Variants in DTNA observed in about 807,000 individuals in gnomAD.
DTNA encodes dystrophin-related protein 3.
Under a neutral mutation model 100.7 loss-of-function variants are expected in DTNA, and 43 were observed. The ratio of observed to expected loss-of-function variants is 0.43; its 90% CI spans 0.33 to 0.55. The LOEUF (loss-of-function observed/expected upper bound fraction) is 0.55, where lower values mean the gene tolerates loss of function less well. Ranked by LOEUF, DTNA falls within the 20% of genes least tolerant of loss-of-function variation. The pLI is 0.04. For missense variants in DTNA, 798 were observed against 953.9 expected (o/e 0.84, Z 2.15); for synonymous variants, 349 against 347.9 (o/e 1.00, Z -0.04).
intron 3 of DTNA, among the ~76,000 whole-genome samples, chr18:34,781,826 C>T (rs1456437596): frequency 6.6e-6 from 1 of 152,184 alleles, no homozygotes; most frequent in African/African-American, 2.4e-5. Flanking sequence ...GCTACTTACT[C>T]ACTTTTTTCA....
chr18:34,724,659 T>G (rs1307942212), intron 1 of DTNA, among the ~76,000 whole-genome samples: 1 of 152,074 alleles, frequency 6.6e-6, no homozygotes, highest in Admixed American at 6.6e-5. Flanking sequence ...CAGTGAGAAC[T>G]CTCTCATTAC....
chr18:34,888,569 A>T lies in DTNA; in HGVS notation c.*835A>T. 1 of 985,764 alleles carries T rather than the reference A, an allele frequency of 1.0e-6. No homozygotes were observed. The highest frequency in any genetic ancestry group is 1.2e-6 in the Non-Finnish European group (1 of 829,838). The allele number at this position is 985,764 out of a possible 1,614,324, so 61.1% of individuals were successfully genotyped here. On this transcript the variant is annotated 3_prime_UTR_variant, in exon 23 of 23. Coordinates refer to ENST00000444659, the MANE Select transcript of DTNA (RefSeq NM_001386795.1). ...AGATATCATATTCAAAAAAGGCAGCATTCAAATTATATAGAATCTAGTTTT... is the reference window on the plus strand; with the variant it reads ...AGATATCATATTCAAAAAAGGCAGCTTTCAAATTATATAGAATCTAGTTTT...
At chr18:34,695,834 C>A (rs562829442) in intron 1 of DTNA, among the ~76,000 whole-genome samples, 2 of 152,250 alleles carry the variant, frequency 1.3e-5, no homozygotes, top group Non-Finnish European at 2.9e-5. Flanking sequence ...CAGCTTTTTC[C>A]ACGTGTTCCT....
chr18:34,522,481 A>C (rs2042235778), intron 1 of DTNA, among the ~76,000 whole-genome samples: 1 of 152,076 alleles, frequency 6.6e-6, no homozygotes, highest in Non-Finnish European at 1.5e-5. Flanking sequence ...ATTGCTTCTT[A>C]CCTCTCACAC....
chr18:34,542,897 ATGTATGTCCT>A (rs1209674084), intron 1 of DTNA, among the ~76,000 whole-genome samples: 3 of 1,386 alleles, frequency 2.2e-3, no homozygotes, highest in Non-Finnish European at 5.9e-3. Context: ...ATTTTGAAAA[ATGTATGTCCT>A]CATTTTTTTT....
chr18:34,598,985 G>A (rs1228901350), intron 1 of DTNA, among the ~76,000 whole-genome samples: 1 of 152,190 alleles, frequency 6.6e-6, no homozygotes, highest in African/African-American at 2.4e-5. Context: ...GGGAACCAGA[G>A]GAAGAGGAAA....
chr18:34,879,456 AC>A (rs2096850919), intron 19 of DTNA, 94 bp from the exon 20 acceptor site: 2 of 1,248,046 alleles, frequency 1.6e-6, no homozygotes, highest in Non-Finnish European at 2.3e-6. Context: ...AACATTTTAC[AC>A]AGCACAGGTT....
At chr18:34,496,203 G>A (rs1388593817) in intron 1 of DTNA, among the ~76,000 whole-genome samples, 1 of 50,778 alleles carries the variant, frequency 2.0e-5, no homozygotes, top group African/African-American at 1.2e-4. Flanking sequence ...TCCCCTCCCT[G>A]CAACACACAC....
chr18:34,828,904 C>A, intron 10 of DTNA: 1 of 952,628 alleles, frequency 1.0e-6, no homozygotes, highest in Non-Finnish European at 1.7e-6. Context: ...GTAAAAGACA[C>A]AGGTCTGTGC....
intron 1 of DTNA, among the ~76,000 whole-genome samples, chr18:34,507,400 C>T (rs2040596853): frequency 1.3e-5 from 2 of 152,080 alleles, no homozygotes; most frequent in Non-Finnish European, 2.9e-5. Context: ...CTGAGGAGCA[C>T]CTCCTAGAAA....
At chr18:34,801,230 C>T (rs183851787) in intron 4 of DTNA, among the ~76,000 whole-genome samples, 1 of 152,242 alleles carries the variant, frequency 6.6e-6, no homozygotes, top group East Asian at 1.9e-4. Flanking sequence ...TGATAATTTG[C>T]ATATATTAGC....
At chr18:34,727,362 T>C (rs1393025723) in intron 1 of DTNA, among the ~76,000 whole-genome samples, 1 of 152,198 alleles carries the variant, frequency 6.6e-6, no homozygotes, top group Admixed American at 6.5e-5. Context: ...CTTTTAGGAA[T>C]GTCTAAAATG....
intron 4 of DTNA, among the ~76,000 whole-genome samples, chr18:34,799,525 A>C (rs1221480517): frequency 6.6e-6 from 1 of 152,210 alleles, no homozygotes; most frequent in African/African-American, 2.4e-5. Flanking sequence ...TAAAAAACCA[A>C]ATGTTCTTCT....
intron 1 of DTNA, among the ~76,000 whole-genome samples, chr18:34,597,747 T>C (rs890190118): frequency 6.6e-6 from 1 of 152,208 alleles, no homozygotes; most frequent in African/African-American, 2.4e-5. Flanking sequence ...TTTAGCTCTG[T>C]GCTAGTCTAC....
At chr18:34,567,226 T>C (rs1423337257) in intron 1 of DTNA, among the ~76,000 whole-genome samples, 3 of 152,208 alleles carry the variant, frequency 2.0e-5, no homozygotes, top group Admixed American at 1.3e-4. Flanking sequence ...GATGTCTTTA[T>C]TTTAATTGTT....
chr18:34,681,409 T>C (rs2078084714), intron 1 of DTNA, among the ~76,000 whole-genome samples: 1 of 152,066 alleles, frequency 6.6e-6, no homozygotes, highest in African/African-American at 2.4e-5. Context: ...TAAGTGTATA[T>C]CTCAATGAAT....
At chr18:34,768,499 A>G (rs2093606836) in intron 3 of DTNA, among the ~76,000 whole-genome samples, 1 of 152,184 alleles carries the variant, frequency 6.6e-6, no homozygotes, top group African/African-American at 2.4e-5. Context: ...CACAGGCCTT[A>G]TCCCATGCCT....
At chr18:34,571,600 A>C (rs960350857) in intron 1 of DTNA, among the ~76,000 whole-genome samples, 2 of 152,110 alleles carry the variant, frequency 1.3e-5, no homozygotes, top group African/African-American at 4.8e-5. Flanking sequence ...AAAAAAAGAA[A>C]ATCTTGAATA....
chr18:34,878,361 C>A (rs908562028), intron 19 of DTNA, among the ~76,000 whole-genome samples: 1 of 152,078 alleles, frequency 6.6e-6, no homozygotes, highest in Non-Finnish European at 1.5e-5. Flanking sequence ...AGAAGAACAA[C>A]GAAAAATATT....
Sources: allele counts gnomAD v4.1 joint callset (sites outside exome capture counted in the v4.1 genomes callset), GRCh38; gene constraint gnomAD v4.1.1; transcripts MANE v1.5; gene names NCBI Gene and HGNC (gene_info 2026-07-23, HGNC 2026-07-21).